Variants in NBPF26 observed in about 807,000 individuals in gnomAD.
NBPF26 encodes the protein NBPF family member NBPF26.
Under a neutral mutation model 119.6 loss-of-function variants are expected in NBPF26, and 79 were observed. The observed-to-expected ratio is 0.66, with a 90% CI of 0.55 to 0.80. The LOEUF (loss-of-function observed/expected upper bound fraction) is 0.80. Among genes scored for constraint, NBPF26 ranks in the 30% least tolerant of loss-of-function variants. The pLI, the probability that NBPF26 is intolerant of heterozygous loss-of-function variation, is 0.00. For missense variants in NBPF26, 800 were observed against 1,198.2 expected, an observed-to-expected ratio of 0.67 and a Z score of 4.91; for synonymous variants, 299 against 457.7, an observed-to-expected ratio of 0.65 and a Z score of 4.43.
chr1:120,840,310 T>C, intron 29 of NBPF26, 40 bp from the exon 36 acceptor site: 1 of 1,444,418 alleles, frequency 6.9e-7, no homozygotes. Context: ...TGGTGTCCGA[T>C]TTTCCCTGGC....
At chr1:120,787,951 G>T (rs1651440416) in intron 3 of NBPF26, among the ~76,000 whole-genome samples, 2 of 111,632 alleles carry the variant, frequency 1.8e-5, no homozygotes, top group South Asian at 5.3e-4. Context: ...GTAGTAGGTG[G>T]TATTGATGAC....
At chr1:120,765,252 G>T (rs1345296748) in intron 2 of NBPF26, among the ~76,000 whole-genome samples, 8 of 98,154 alleles carry the variant, frequency 8.2e-5, no homozygotes, top group Non-Finnish European at 1.5e-4. Context: ...CTTAGAGTAG[G>T]CCACTGAAAT....
At chr1:120,807,858 A>G (rs1553270374) in intron 6 of NBPF26, 149 bp downstream of exon 6, 1 of 538,664 alleles carries the variant, frequency 1.9e-6, no homozygotes, top group African/African-American at 3.1e-5. Context: ...TATTTATCAA[A>G]CAGAGAAGGA....
At chr1:120,768,584 T>G (rs1414615473) in intron 2 of NBPF26, among the ~76,000 whole-genome samples, 1 of 109,328 alleles carries the variant, frequency 9.1e-6, no homozygotes, top group Non-Finnish European at 1.7e-5. Context: ...TTCTGCTGCA[T>G]GAACTGGGGT....
chr1:120,823,985 A>G lies in NBPF26; in HGVS notation c.2651A>G (p.Glu884Gly), dbSNP rs1652197864. ...TCCCACTTTTCCAGGCTCAGCAGAGAGCTGCTGGATGAGAAAGGGCCTGAA... is the reference window on the plus strand; with the variant it reads ...TCCCACTTTTCCAGGCTCAGCAGAGGGCTGCTGGATGAGAAAGGGCCTGAA... The change falls in exon 18 of 30, where the codon GAG becomes GGG. Residue 884 changes from glutamate to glycine, a missense_variant. By Grantham distance (98) the Glu-to-Gly change is moderately conservative. This residue lies in a region of NBPF26 where 73 missense variants were observed against 50.7 expected (regional missense o/e 1.44). Transcript: ENST00000620612. 8.7e-5 allele frequency: 76 copies of G among 875,870 alleles called. 20 individuals are homozygous for G. In the South Asian group the frequency reaches 1.0e-3, roughly 12 times the overall value. 54.3% of individuals were successfully genotyped at this position (875,870 alleles called of 1,614,324 possible). A position where few individuals can be genotyped will look rare whatever the true frequency, so the allele number is the denominator to read the frequency against.
Position 120,819,171 on chromosome 1 carries a change from G to T in NBPF26, c.2423+997G>T, listed in dbSNP as rs1361159816. 1.6e-5 allele frequency among the ~76,000 whole-genome samples: 2 copies of T among 124,370 alleles called. 1 individual carries two copies. The highest frequency in any genetic ancestry group is 3.3e-5 in the Non-Finnish European group (2 of 61,090). The allele number at this position is 124,370 out of a possible 152,430, so 81.6% of individuals were successfully genotyped here. ...ATGAATCTGGGTGCTCCTGTTTAGG[G>T]TGCATATATATTTAGGATAGTTAAC... On this transcript the variant is annotated intron_variant, in intron 15 of 29. Coordinates refer to ENST00000620612, the Ensembl canonical transcript of NBPF26.
At chr1:120,811,641 C>G (rs1651869150) in intron 9 of NBPF26, among the ~76,000 whole-genome samples, 1 of 113,564 alleles carries the variant, frequency 8.8e-6, no homozygotes, top group African/African-American at 5.0e-5. Context: ...CAGGGCCAAG[C>G]CTTGCTTTAT....
At chr1:120,783,676 A>C (rs1651391037) in intron 2 of NBPF26, among the ~76,000 whole-genome samples, 1 of 114,850 alleles carries the variant, frequency 8.7e-6, no homozygotes, top group Non-Finnish European at 1.7e-5. Context: ...AAGTTGTTTA[A>C]AACCAAGTGA....
rs1463194655 is a variant in NBPF26, at chr1:120,818,705, AG to A, written c.2423+532del. Among the ~76,000 whole-genome samples, 3 of 123,728 alleles carry A rather than the reference AG, an allele frequency of 2.4e-5. 1 individual carries two copies. Among genetic ancestry groups the A allele is most frequent in the Non-Finnish European group, 4.9e-5 (3 of 60,898 alleles). The allele number at this position is 123,728 out of a possible 152,430, so 81.2% of individuals were successfully genotyped here. On this transcript the variant is annotated intron_variant, in intron 15 of 29. Transcript: ENST00000620612. ...GTATCTTTGTTCTCATTGGTTTCAA[AG>A]AACATCTTTATTTCTGCCTTCATTT... is the stretch of plus-strand genomic sequence containing the variant.
In NBPF26 at chr1:120,724,108, C is replaced by T. The variant is rs1258681017; in HGVS notation, c.-70C>T. On this transcript the variant is annotated 5_prime_UTR_variant, in exon 1 of 30. Coordinates refer to ENST00000620612, the Ensembl canonical transcript of NBPF26. ...AGTGGGGCTCCTCTATCGGGACCCC[C>T]TCCCCATGTGGATCTGCCCAGGCGG... The T allele has an allele frequency of 8.2e-6, 11 of 1,341,132 alleles. 1 individual carries two copies. The highest frequency in any genetic ancestry group is 1.1e-5 in the Non-Finnish European group (11 of 1,038,528). The allele number at this position is 1,341,132 out of a possible 1,614,324, so 83.1% of individuals were successfully genotyped here.
intron 4 of NBPF26, among the ~76,000 whole-genome samples, chr1:120,801,851 AG>A (rs1651586004): frequency 1.1e-5 from 1 of 94,206 alleles, no homozygotes; most frequent in Non-Finnish European, 1.9e-5. Context: ...AAAAAAAAAA[AG>A]GCATCTCACT....
Position 120,810,563 on chromosome 1 carries a change from C to A in NBPF26, c.1564+5C>A. On this transcript the variant is annotated splice_donor_5th_base_variant and intron_variant, in intron 9 of 29. Transcript: ENST00000620612. Reference sequence around the variant, plus strand: ...ATGCTCTAAACATTCTCCCAGGTAGCCTCTATTTTCCTTGTGTCTCATACC... The same window carrying A: ...ATGCTCTAAACATTCTCCCAGGTAGACTCTATTTTCCTTGTGTCTCATACC... 6.8e-7 allele frequency: 1 copy of A among 1,463,020 alleles called. No homozygotes were observed. The highest frequency in any genetic ancestry group is 2.3e-5 in the East Asian group (1 of 44,012). The allele number at this position is 1,463,020 out of a possible 1,614,324, so 90.6% of individuals were successfully genotyped here.
At position 120,783,740 on chromosome 1, in the gene NBPF26, G is replaced by A. The variant is rs1213461368; in HGVS notation, c.156-1234G>A. 2.6e-5 allele frequency among the ~76,000 whole-genome samples: 3 copies of A among 117,518 alleles called. 1 individual carries two copies. The highest frequency in any genetic ancestry group is 1.0e-4 in the African/African-American group (2 of 20,100). The allele number at this position is 117,518 out of a possible 152,430, so 77.1% of individuals were successfully genotyped here. ...AGAGCAGTGCAGTCCAGACTTAAAC[G>A]TTAGGGTGGCCATAATATATGGGGA... On this transcript the variant is annotated intron_variant, in intron 2 of 29. Transcript: ENST00000620612.
chr1:120,806,482 A>C (rs1401390457), intron 5 of NBPF26, among the ~76,000 whole-genome samples: 1 of 119,486 alleles, frequency 8.4e-6, no homozygotes, highest in Non-Finnish European at 1.7e-5. Context: ...AATCACCACT[A>C]ATCGGGAGGC....
At chr1:120,760,180 CT>C (rs1161423259) in intron 1 of NBPF26, among the ~76,000 whole-genome samples, 105 of 15,160 alleles carry the variant, frequency 6.9e-3, no homozygotes, top group Non-Finnish European at 0.011. Flanking sequence ...TCTACCACAG[CT>C]TTTTTTTTTT....
rs1178323879 is a variant in NBPF26 at position 120,752,737 on chromosome 1, A to AT, written c.74-10881dup. On this transcript the variant is annotated intron_variant, in intron 1 of 29. Coordinates refer to ENST00000620612, the Ensembl canonical transcript of NBPF26. ...AGGCACCCGCCACCATGCCCAGCTA[A>AT]TTTTTTTTTTGTACTTTTAGTAGAG... Among the ~76,000 whole-genome samples, 39 of 48,268 alleles carry AT rather than the reference A, an allele frequency of 8.1e-4. 2 individuals carry two copies. Among genetic ancestry groups the AT allele is most frequent in the African/African-American group, 2.5e-3 (12 of 4,868 alleles). 31.7% of individuals were successfully genotyped at this position (48,268 alleles called of 152,430 possible).
At position 120,728,127 on chromosome 1, in the gene NBPF26, A is replaced by G. The variant is rs1389506948; in HGVS notation, c.73+3877A>G. 1.8e-5 allele frequency among the ~76,000 whole-genome samples: 2 copies of G among 111,706 alleles called. 1 individual carries two copies. Among genetic ancestry groups the G allele is most frequent in the African/African-American group, 1.1e-4 (2 of 18,232 alleles). The allele number at this position is 111,706 out of a possible 152,430, so 73.3% of individuals were successfully genotyped here. On this transcript the variant is annotated intron_variant, in intron 1 of 29. Coordinates refer to ENST00000620612, the Ensembl canonical transcript of NBPF26. ...TACAAATGCGCTTATGTGCACAAAA[A>G]CTCTTATAACATCCTCAAGTGCTTA...
At chr1:120,832,721 T>C (rs1464385917) in intron 22 of NBPF26, among the ~76,000 whole-genome samples, 154 bp from the exon 27 acceptor site, 1 of 119,350 alleles carries the variant, frequency 8.4e-6, no homozygotes, top group Admixed American at 7.9e-5. Flanking sequence ...ATTTCTATCA[T>C]GACCAGCCTT....
chr1:120,745,960 C>T lies in NBPF26; in HGVS notation c.74-17668C>T, dbSNP rs1399165645. 8.5e-5 allele frequency among the ~76,000 whole-genome samples: 2 copies of T among 23,448 alleles called. 1 individual carries two copies. Among genetic ancestry groups the T allele is most frequent in the East Asian group, 1.9e-3 (2 of 1,078 alleles). The allele number at this position is 23,448 out of a possible 152,430, so 15.4% of individuals were successfully genotyped here. ...TCACCCAGACTGGAGGGCAGTGGTGCGATGTTGGCTTACCACAACCTCCAC... is the reference window on the plus strand; with the variant it reads ...TCACCCAGACTGGAGGGCAGTGGTGTGATGTTGGCTTACCACAACCTCCAC... On this transcript the variant is annotated intron_variant, in intron 1 of 29. Coordinates refer to ENST00000620612, the Ensembl canonical transcript of NBPF26.
Sources: allele counts gnomAD v4.1 joint callset (sites outside exome capture counted in the v4.1 genomes callset), GRCh38; gene constraint gnomAD v4.1.1; regional missense constraint gnomAD v4.1.1; transcripts MANE v1.5; gene names NCBI Gene and HGNC (gene_info 2026-07-23, HGNC 2026-07-21).